Variants in COG8 observed in about 807,000 individuals in gnomAD.
COG8 encodes conserved oligomeric Golgi complex subunit 8.
In COG8, 45 loss-of-function variants were observed where a neutral mutation model predicts 46.5. That is an observed-to-expected ratio of 0.97 (90% CI 0.76 to 1.24). The LOEUF (loss-of-function observed/expected upper bound fraction) is 1.24. COG8 is among the 50% of genes most tolerant of loss of function. The pLI, the probability that COG8 is intolerant of heterozygous loss-of-function variation, is 0.00. For synonymous variants in COG8, 407 were observed against 347.8 expected, an observed-to-expected ratio of 1.17 and a Z score of -1.90; for missense variants, 793 against 820.8, an observed-to-expected ratio of 0.97 and a Z score of 0.41.
intron 4 of COG8, among the ~76,000 whole-genome samples, chr16:69,331,397 T>G (rs1597221763): frequency 7.6e-6 from 1 of 132,220 alleles, no homozygotes; most frequent in Admixed American, 9.4e-5. Context: ...AGATTGCAGT[T>G]AGCCGAGATC....
intron 5 of COG8, chr16:69,330,450 C>T: frequency 6.8e-7 from 1 of 1,472,934 alleles, no homozygotes; most frequent in Admixed American, 2.4e-5. Context: ...AGCGCCGGGC[C>T]CTCGACGCCG....
rs752306212 is a variant in COG8, at chr16:69,334,516, C to T, written c.1413+5G>A. 1.2e-6 allele frequency: 2 copies of T among 1,613,522 alleles called. No individual in the cohort carries two copies. Among genetic ancestry groups the T allele is most frequent in the Admixed American group, 1.7e-5 (1 of 60,010 alleles). ...GGTAGCAGAAAACCAACAGAATGTG[C>T]TCACCTTGGCAAGGGCATCTTCCAA... On this transcript the variant is annotated splice_donor_5th_base_variant and intron_variant, in intron 3 of 5. Coordinates refer to ENST00000306875, the MANE Select transcript of COG8 (RefSeq NM_032382.5).
At chr16:69,330,054 C>T in intron 5 of COG8, 2 of 1,553,800 alleles carry the variant, frequency 1.3e-6, no homozygotes, top group Non-Finnish European at 1.7e-6. Context: ...GCGACGCTCT[C>T]GCAGCCCTCG....
At chr16:69,329,765 G>C (rs967368049) in intron 5 of COG8, among the ~76,000 whole-genome samples, 8 of 152,228 alleles carry the variant, frequency 5.3e-5, no homozygotes. Flanking sequence ...GCAGACGCCA[G>C]GCTGTCAGGT....
rs781443187 is a variant in COG8, at chr16:69,336,550, G to A, written c.540C>T (p.Tyr180=). 1.3e-5 allele frequency: 21 copies of A among 1,614,098 alleles called. No individual in the cohort carries two copies. Among genetic ancestry groups the A allele is most frequent in the Admixed American group, 1.0e-4 (6 of 60,006 alleles). ...AGTATTTCCTCTCCAGTCGGCGTAC[G>A]TAGGCTGCAAGCTCCAGGGCCTCTT... ...YYEEALELAA[Y]VRRLERKYSS... Residue 180 remains tyrosine, a synonymous_variant, in exon 2 of 6, where the codon TAC becomes TAT. Transcript: ENST00000306875.
intron 5 of COG8, chr16:69,330,130 G>A (rs781496901): frequency 8.9e-6 from 14 of 1,577,308 alleles, no homozygotes; most frequent in Middle Eastern, 1.7e-4. Context: ...GCAGGGGGAA[G>A]GGCTCCATTT....
Position 69,339,195 on chromosome 16 carries a change from T to C in COG8, c.358A>G (p.Ser120Gly), listed in dbSNP as rs2012384205. ...TCGCACCTGCAGCTCTGCTGGAAGCTGGGCAAACGGTCGAGCAGGCGGCCG... is the reference window on the plus strand; with the variant it reads ...TCGCACCTGCAGCTCTGCTGGAAGCCGGGCAAACGGTCGAGCAGGCGGCCG... ...SLGRLLDRLP[S>G]FQQSCRNFVK... The change falls in exon 1 of 6, where the codon AGC becomes GGC. Residue 120 changes from serine (S) to glycine (G), a missense_variant. Coordinates refer to ENST00000306875, the MANE Select transcript of COG8 (RefSeq NM_032382.5). The C allele has an allele frequency of 6.2e-7, 1 of 1,612,948 alleles. No individual in the cohort carries two copies.
rs1185929938 is a variant in COG8 at position 69,331,453 on chromosome 16, C to CAAAA, written c.1583-362_1583-359dup. On this transcript the variant is annotated intron_variant, in intron 4 of 5. Coordinates refer to ENST00000306875, the MANE Select transcript of COG8 (RefSeq NM_032382.5). ...GGGCCACAAGAGCAAAACTCCGTCTCAAAAAAAAAAAAAAAAAAAAAAAAG... is the reference window on the plus strand; with the variant it reads ...GGGCCACAAGAGCAAAACTCCGTCTCAAAAAAAAAAAAAAAAAAAAAAAAAAAAG... 3.2e-3 allele frequency among the ~76,000 whole-genome samples: 193 copies of CAAAA among 61,182 alleles called. 1 individual carries two copies. Among genetic ancestry groups the CAAAA allele is most frequent in the Non-Finnish European group, 4.1e-3 (140 of 33,786 alleles). 40.1% of individuals were successfully genotyped at this position (61,182 alleles called of 152,430 possible).
In COG8 at chr16:69,332,555, T is replaced by G. The variant is rs980689053; in HGVS notation, c.1582+159A>C. 1.7e-5 allele frequency: 13 copies of G among 763,874 alleles called. No individual in the cohort carries two copies. The African/African-American group carries it at 1.9e-4, about 11-fold the overall frequency. 47.3% of individuals were successfully genotyped at this position (763,874 alleles called of 1,614,324 possible). The stretch of plus-strand genomic sequence containing the variant: ...AGGGACTAAGGATGCTGTCGAGGAA[T>G]GACTACAAACGTGCATGAAGGATCT... On this transcript the variant is annotated intron_variant, in intron 4 of 5. Transcript: ENST00000306875.
intron 3 of COG8, among the ~76,000 whole-genome samples, chr16:69,333,167 T>G (rs1001376123): frequency 3.4e-5 from 4 of 118,020 alleles, no homozygotes; most frequent in Non-Finnish European, 6.7e-5. Flanking sequence ...ATGGTTTTGG[T>G]TTTTTTTTTT....
chr16:69,335,127 G>A lies in COG8; in HGVS notation c.807C>T (p.Phe269=). ...LTAIPNDDPY[F]HITKTIEASR... ...AGGCCTCGATGGTTTTTGTAATATG[G>A]AAATAGGGATCATCATTAGGAATGG... Residue 269 remains phenylalanine (F), a synonymous_variant, in exon 3 of 6, where the codon TTC becomes TTT. Coordinates refer to ENST00000306875, the MANE Select transcript of COG8 (RefSeq NM_032382.5). 3 of 1,614,204 alleles carry A rather than the reference G, an allele frequency of 1.9e-6. No homozygotes were observed. Among genetic ancestry groups the A allele is most frequent in the Non-Finnish European group, 1.7e-6 (2 of 1,180,048 alleles).
intron 5 of COG8, chr16:69,330,437 C>T: frequency 1.2e-5 from 18 of 1,475,504 alleles, no homozygotes; most frequent in Non-Finnish European, 1.5e-5. Flanking sequence ...ATAGGAGCGC[C>T]GCAGCGCCGG....
Position 69,332,720 on chromosome 16 carries a change from T to C in COG8, c.1576A>G (p.Thr526Ala), listed in dbSNP as rs1325346286. The C allele has an allele frequency of 6.2e-7, 1 of 1,613,816 alleles. No homozygotes were observed. Among genetic ancestry groups the C allele is most frequent in the African/African-American group, 1.3e-5 (1 of 74,942 alleles). The change falls in exon 4 of 6, where the codon ACT becomes GCT. Residue 526 changes from threonine (T) to alanine (A), a missense_variant. Thr to Ala is a moderately conservative substitution (Grantham distance 58). Coordinates refer to ENST00000306875, the MANE Select transcript of COG8 (RefSeq NM_032382.5). ...AGAATTTTCATTCTCTTACCTAAAG[T>C]CTGTGCTATCTGAGCTGGTGGAAAA... ...VLFPPAQIAQ[T>A]LGIPPTQLSK... is the part of the protein sequence containing the mutation.
intron 3 of COG8, among the ~76,000 whole-genome samples, chr16:69,333,166 G>C (rs1219897582): frequency 2.3e-5 from 3 of 130,868 alleles, no homozygotes; most frequent in East Asian, 4.4e-4. Flanking sequence ...CATGGTTTTG[G>C]TTTTTTTTTT....
At chr16:69,334,065 T>C (rs2012048575) in intron 3 of COG8, among the ~76,000 whole-genome samples, 1 of 152,088 alleles carries the variant, frequency 6.6e-6, no homozygotes, top group Non-Finnish European at 1.5e-5. Flanking sequence ...AGTTCTGCAA[T>C]TGCAAAGAAC....
At chr16:69,329,923 T>C in intron 5 of COG8, 1 of 1,444,406 alleles carries the variant, frequency 6.9e-7, no homozygotes, top group Non-Finnish European at 9.1e-7. Flanking sequence ...CCGCGACCAC[T>C]TCTGCGCTCT....
At chr16:69,335,478 G>A in intron 2 of COG8, 130 bp from the exon 3 acceptor site, 1 of 807,664 alleles carries the variant, frequency 1.2e-6, no homozygotes, top group South Asian at 1.5e-5. Context: ...TCCTAAAGCT[G>A]ATGCCTGTAG....
intron 3 of COG8, among the ~76,000 whole-genome samples, chr16:69,333,274 C>G (rs555865521): frequency 6.6e-6 from 1 of 150,866 alleles, no homozygotes; most frequent in Non-Finnish European, 1.5e-5. Context: ...TCAAGGGATA[C>G]TCCCACCTTA....
intron 2 of COG8, 87 bp from the exon 3 acceptor site, chr16:69,335,435 A>G: frequency 9.2e-7 from 1 of 1,081,826 alleles, no homozygotes; most frequent in Non-Finnish European, 1.4e-6. Context: ...GCAGACCAAC[A>G]TTCCCATGGC....
Sources: gnomAD v4.1 joint callset for allele counts (sites outside exome capture counted in the v4.1 genomes callset) on GRCh38, gnomAD v4.1.1 for gene constraint, MANE v1.5 for transcripts, NCBI Gene and HGNC (gene_info 2026-07-23, HGNC 2026-07-21) for gene names.